The following PBX3 variants were observed in gnomAD, a reference collection of about 807,000 sequenced individuals.
PBX3 encodes the protein pre-B-cell leukemia transcription factor 3.
A neutral mutation model predicts 48.5 loss-of-function variants in PBX3; 14 were observed. The observed-to-expected ratio is 0.29, with a 90% CI of 0.19 to 0.45. The LOEUF (loss-of-function observed/expected upper bound fraction) is 0.45. PBX3 is among the 20% of genes least tolerant of loss of function. The pLI is 1.00. For synonymous variants in PBX3, 210 were observed against 200.3 expected (o/e 1.05, Z -0.41); for missense variants, 386 against 546.7 (o/e 0.71, Z 2.93).
At chr9:125,919,244 C>T (rs1177909857) in intron 3 of PBX3, among the ~76,000 whole-genome samples, 1 of 151,276 alleles carries the variant, frequency 6.6e-6, no homozygotes, top group East Asian at 1.9e-4. Context: ...GACAGAATCT[C>T]ACTCTGTCAC....
intron 2 of PBX3, among the ~76,000 whole-genome samples, chr9:125,767,464 C>A (rs1836828582): frequency 6.6e-6 from 1 of 152,192 alleles, no homozygotes. Flanking sequence ...AATATCTGTT[C>A]ATACCACCAT....
chr9:125,847,886 C>G (rs1463733976), intron 2 of PBX3, among the ~76,000 whole-genome samples: 1 of 151,926 alleles, frequency 6.6e-6, no homozygotes. Flanking sequence ...TAAGTGCTAT[C>G]TCCCCTAATA....
chr9:125,765,882 A>G (rs1836790668), intron 2 of PBX3, among the ~76,000 whole-genome samples: 1 of 152,160 alleles, frequency 6.6e-6, no homozygotes, highest in Non-Finnish European at 1.5e-5. Flanking sequence ...GATTGAATGG[A>G]GAGAATAATG....
chr9:125,957,002 C>A (rs1424151314), intron 5 of PBX3, among the ~76,000 whole-genome samples: 1 of 152,064 alleles, frequency 6.6e-6, no homozygotes, highest in African/African-American at 2.4e-5. Flanking sequence ...CTAATTATAT[C>A]CATCTGTTTT....
chr9:125,776,111 A>G (rs1183047208), intron 2 of PBX3, among the ~76,000 whole-genome samples: 1 of 152,222 alleles, frequency 6.6e-6, no homozygotes, highest in Non-Finnish European at 1.5e-5. Context: ...TGATCTGACT[A>G]GAACTTCCAA....
chr9:125,820,682 A>T (rs1838624452), intron 2 of PBX3, among the ~76,000 whole-genome samples: 1 of 152,232 alleles, frequency 6.6e-6, no homozygotes, highest in Non-Finnish European at 1.5e-5. Flanking sequence ...GATTTGCCTG[A>T]TACGAAGCAC....
In PBX3 at chr9:125,960,928, A is replaced by G. The variant is rs111855930; in HGVS notation, c.1009+79A>G. 3.0e-4 allele frequency: 430 copies of G among 1,433,262 alleles called. 1 individual carries two copies. In the African/African-American group the frequency reaches 5.2e-3, roughly 17 times the overall value. The allele number at this position is 1,433,262 out of a possible 1,614,324, so 88.8% of individuals were successfully genotyped here. A position where few individuals can be genotyped will look rare whatever the true frequency, so the allele number is the denominator to read the frequency against. On this transcript the variant is annotated intron_variant, in intron 6 of 8. Coordinates refer to ENST00000373489, the MANE Select transcript of PBX3 (RefSeq NM_006195.6). ...GCCCTGTCCCACAGGCCAGGAAACA[A>G]GAGCCATACTGAGGACAGAGTGGAC...
intron 2 of PBX3, among the ~76,000 whole-genome samples, chr9:125,876,989 G>A (rs540862895): frequency 6.6e-6 from 1 of 152,038 alleles, no homozygotes; most frequent in African/African-American, 2.4e-5. Flanking sequence ...GGCCAGGCTG[G>A]TCTCGAACTC....
chr9:125,966,762 G>A lies in PBX3; in HGVS notation c.*839G>A, dbSNP rs1187870340. ...TATACATCCCACCAATCAAAACACA[G>A]CTTTATTACCTCATGCGAACTCATA... On this transcript the variant is annotated 3_prime_UTR_variant, in exon 9 of 9. Transcript: ENST00000373489. 1 of 152,612 alleles carries A rather than the reference G, an allele frequency of 6.6e-6. No individual in the cohort carries two copies. The highest frequency in any genetic ancestry group is 1.5e-5 in the Non-Finnish European group (1 of 68,062). 9.5% of individuals were successfully genotyped at this position (152,612 alleles called of 1,614,324 possible). A position where few individuals can be genotyped will look rare whatever the true frequency, so the allele number is the denominator to read the frequency against.
chr9:125,836,951 C>A (rs1839155296), intron 2 of PBX3, among the ~76,000 whole-genome samples: 1 of 152,140 alleles, frequency 6.6e-6, no homozygotes, highest in Non-Finnish European at 1.5e-5. Flanking sequence ...TTGGTACAAC[C>A]TTTCTTTGAG....
At chr9:125,815,935 A>G (rs1240924949) in intron 2 of PBX3, among the ~76,000 whole-genome samples, 2 of 151,946 alleles carry the variant, frequency 1.3e-5, no homozygotes, top group Non-Finnish European at 2.9e-5. Flanking sequence ...GTGTTACAGA[A>G]ATTTATCAAA....
intron 2 of PBX3, among the ~76,000 whole-genome samples, chr9:125,761,008 T>G (rs1206312243): frequency 6.6e-6 from 1 of 152,206 alleles, no homozygotes; most frequent in Non-Finnish European, 1.5e-5. Flanking sequence ...TAAAAGGCTT[T>G]AAACTCATCC....
At position 125,814,141 on chromosome 9, in the gene PBX3, C is replaced by T. The variant is rs1170716867; in HGVS notation, c.274+65518C>T. Among the ~76,000 whole-genome samples the T allele has an allele frequency of 6.7e-5, 8 of 119,034 alleles. No individual in the cohort carries two copies. In the East Asian group the frequency reaches 1.9e-3, roughly 28 times the overall value. The allele number at this position is 119,034 out of a possible 152,430, so 78.1% of individuals were successfully genotyped here. Reference sequence around the variant, plus strand: ...TCACGCTATTGCACTCCAGCCTGGGCGACAGAGTGAGACTCCATCTCAAAA... The same window carrying T: ...TCACGCTATTGCACTCCAGCCTGGGTGACAGAGTGAGACTCCATCTCAAAA... On this transcript the variant is annotated intron_variant, in intron 2 of 8. Transcript: ENST00000373489.
intron 2 of PBX3, among the ~76,000 whole-genome samples, chr9:125,788,638 C>T (rs890555599): frequency 1.3e-5 from 2 of 152,034 alleles, no homozygotes; most frequent in African/African-American, 4.8e-5. Context: ...TTTGGGAGGC[C>T]GAGCTGGGCA....
At chr9:125,863,827 C>T (rs1306316217) in intron 2 of PBX3, among the ~76,000 whole-genome samples, 4 of 152,104 alleles carry the variant, frequency 2.6e-5, no homozygotes, top group African/African-American at 7.2e-5. Context: ...TCTCTTTTTA[C>T]TAATCATACC....
At chr9:125,893,533 T>G (rs2132394317) in intron 2 of PBX3, among the ~76,000 whole-genome samples, 1 of 152,318 alleles carries the variant, frequency 6.6e-6, no homozygotes, top group South Asian at 2.1e-4. Flanking sequence ...GCAATCAGTG[T>G]TTAGTGGAGA....
intron 2 of PBX3, among the ~76,000 whole-genome samples, chr9:125,807,907 A>C (rs1489641783): frequency 6.6e-6 from 1 of 152,142 alleles, no homozygotes; most frequent in Admixed American, 6.6e-5. Context: ...ATACATTTTA[A>C]CTCTAGTGTA....
rs1842533653 is a variant in PBX3 at position 125,966,392 on chromosome 9, C to G, written c.*469C>G. 1 of 153,242 alleles carries G rather than the reference C, an allele frequency of 6.5e-6. No homozygotes were observed. The highest frequency in any genetic ancestry group is 1.5e-5 in the Non-Finnish European group (1 of 68,472). The allele number at this position is 153,242 out of a possible 1,614,324, so 9.5% of individuals were successfully genotyped here. On this transcript the variant is annotated 3_prime_UTR_variant, in exon 9 of 9. Coordinates refer to ENST00000373489, the MANE Select transcript of PBX3 (RefSeq NM_006195.6). ...TCACTAATGGAGTTGGAATAAAGAG[C>G]TGTTTGCCTATCCCTGTTAATGATG... is the stretch of plus-strand genomic sequence containing the variant.
At chr9:125,831,819 T>A (rs1020467199) in intron 2 of PBX3, among the ~76,000 whole-genome samples, 1 of 152,172 alleles carries the variant, frequency 6.6e-6, no homozygotes, top group Non-Finnish European at 1.5e-5. Flanking sequence ...AAGACTCCAT[T>A]TTTAGCTTTT....
Sources: gnomAD v4.1 joint callset for allele counts (sites outside exome capture counted in the v4.1 genomes callset) on GRCh38, gnomAD v4.1.1 for gene constraint, MANE v1.5 for transcripts, NCBI Gene and HGNC (gene_info 2026-07-23, HGNC 2026-07-21) for gene names.